Variants in PTPRD observed in about 807,000 individuals in gnomAD.
PTPRD encodes receptor-type tyrosine-protein phosphatase delta.
PTPRD carries 34 observed loss-of-function variants against 214.5 expected under a neutral mutation model. The ratio of observed to expected loss-of-function variants is 0.16; its 90% CI spans 0.12 to 0.21. PTPRD has a LOEUF of 0.21. Ranked by LOEUF, PTPRD falls within the 10% of genes least tolerant of loss-of-function variation. The pLI is 1.00. For missense variants in PTPRD, 2,545 were observed against 2,398.7 expected (o/e 1.06, Z -1.27); for synonymous variants, 1,128 against 845.7 (o/e 1.33, Z -5.79).
intron 3 of PTPRD, among the ~76,000 whole-genome samples, chr9:10,188,828 T>C (rs2099349497): frequency 6.6e-6 from 1 of 152,094 alleles, no homozygotes; most frequent in Non-Finnish European, 1.5e-5. Context: ...AGTACAACAA[T>C]TGTATCAGTT....
chr9:8,329,365 C>G (rs1459608936), intron 44 of PTPRD, among the ~76,000 whole-genome samples: 1 of 152,136 alleles, frequency 6.6e-6, no homozygotes, highest in African/African-American at 2.4e-5. Context: ...GCAAAGATTG[C>G]TGCCTATTCC....
intron 12 of PTPRD, among the ~76,000 whole-genome samples, chr9:8,662,219 G>C (rs1266746320): frequency 6.6e-6 from 1 of 152,122 alleles, no homozygotes; most frequent in Non-Finnish European, 1.5e-5. Flanking sequence ...TATATGAAGA[G>C]CACCGAGGTT....
At chr9:9,772,481 A>C (rs1358048099) in intron 5 of PTPRD, among the ~76,000 whole-genome samples, 1 of 152,102 alleles carries the variant, frequency 6.6e-6, no homozygotes, top group South Asian at 2.1e-4. Flanking sequence ...TTTAACATTT[A>C]TCTCTCACGG....
At chr9:9,462,807 G>C (rs2093780117) in intron 8 of PTPRD, among the ~76,000 whole-genome samples, 1 of 152,058 alleles carries the variant, frequency 6.6e-6, no homozygotes, top group Non-Finnish European at 1.5e-5. Flanking sequence ...TGGAAATTTT[G>C]GTGGGATCTA....
At chr9:8,904,731 C>T (rs1566928430) in intron 11 of PTPRD, among the ~76,000 whole-genome samples, 1 of 149,422 alleles carries the variant, frequency 6.7e-6, no homozygotes, top group Non-Finnish European at 1.5e-5. Context: ...ATTTGCAAAA[C>T]ACATAATCGT....
chr9:9,863,803 T>G (rs1686749361), intron 5 of PTPRD, among the ~76,000 whole-genome samples: 1 of 151,166 alleles, frequency 6.6e-6, no homozygotes, highest in African/African-American at 2.4e-5. Context: ...TAGCAAGAAT[T>G]GCTATTCCAG....
At chr9:9,034,703 T>C (rs1477947728) in intron 10 of PTPRD, among the ~76,000 whole-genome samples, 1 of 152,130 alleles carries the variant, frequency 6.6e-6, no homozygotes, top group Non-Finnish European at 1.5e-5. Flanking sequence ...GCTCCCCATT[T>C]ACTAGCTCTG....
intron 4 of PTPRD, among the ~76,000 whole-genome samples, chr9:10,031,092 T>G (rs1386608120): frequency 1.3e-5 from 2 of 152,188 alleles, no homozygotes; most frequent in Non-Finnish European, 2.9e-5. Context: ...AGGGTCCAAG[T>G]ATAGATACTG....
intron 9 of PTPRD, among the ~76,000 whole-genome samples, chr9:9,395,916 A>G (rs1201019521): frequency 6.6e-6 from 1 of 152,088 alleles, no homozygotes; most frequent in Non-Finnish European, 1.5e-5. Flanking sequence ...ACTATTGCAA[A>G]GTGATATGAT....
At chr9:9,608,521 G>C (rs766890829) in intron 7 of PTPRD, among the ~76,000 whole-genome samples, 1 of 152,118 alleles carries the variant, frequency 6.6e-6, no homozygotes, top group East Asian at 1.9e-4. Flanking sequence ...TATGCCAGGG[G>C]CATATTTTCC....
At chr9:9,057,911 T>C (rs2099699291) in intron 10 of PTPRD, among the ~76,000 whole-genome samples, 1 of 152,188 alleles carries the variant, frequency 6.6e-6, no homozygotes, top group African/African-American at 2.4e-5. Flanking sequence ...ATAAATATTA[T>C]ATAAAAATAA....
intron 2 of PTPRD, among the ~76,000 whole-genome samples, chr9:10,459,806 T>C (rs1271222482): frequency 6.6e-6 from 1 of 152,054 alleles, no homozygotes; most frequent in Non-Finnish European, 1.5e-5. Flanking sequence ...ATTAGCCCTT[T>C]GTCAGATGGA....
intron 35 of PTPRD, among the ~76,000 whole-genome samples, chr9:8,407,307 G>A (rs1252989136): frequency 6.6e-6 from 1 of 152,124 alleles, no homozygotes; most frequent in Admixed American, 6.6e-5. Flanking sequence ...GGTAGGTATT[G>A]TTTTTTTCCA....
intron 3 of PTPRD, among the ~76,000 whole-genome samples, chr9:10,057,985 G>A (rs1269766933): frequency 6.6e-6 from 1 of 152,012 alleles, no homozygotes; most frequent in African/African-American, 2.4e-5. Context: ...AGTTTATTTT[G>A]GGTAACACGT....
intron 6 of PTPRD, among the ~76,000 whole-genome samples, chr9:9,765,534 G>C (rs2098699588): frequency 6.6e-6 from 1 of 152,176 alleles, no homozygotes; most frequent in Non-Finnish European, 1.5e-5. Flanking sequence ...TAGGATAGCT[G>C]ATGTAGAGAA....
chr9:10,258,909 T>C (rs10958980), intron 3 of PTPRD, among the ~76,000 whole-genome samples: 41,496 of 152,264 alleles, frequency 0.27, 6,723 homozygotes, highest in African/African-American at 0.45. Context: ...TTTGTGCAAA[T>C]AAAATATGAT....
intron 9 of PTPRD, among the ~76,000 whole-genome samples, chr9:9,305,565 C>T (rs1956873463): frequency 6.6e-6 from 1 of 152,092 alleles, no homozygotes; most frequent in Non-Finnish European, 1.5e-5. Context: ...CCTCTCTCTT[C>T]TGTCTCACCA....
rs371352383 is a variant in PTPRD, at chr9:9,952,657, A to G, written c.-471-14047T>C. ...ATAATAACTATTCTCCCTTCCCTAA[A>G]GAGTCCTTGCACCATTTTGCCAGGA... On this transcript the variant is annotated intron_variant, in intron 4 of 45. Coordinates refer to ENST00000381196, the MANE Select transcript of PTPRD (RefSeq NM_002839.4). Among the ~76,000 whole-genome samples, 13 of 152,118 alleles carry G rather than the reference A, an allele frequency of 8.5e-5. No homozygotes were observed. The East Asian group carries it at 2.5e-3, about 29-fold the overall frequency.
chr9:9,059,027 C>G (rs1182521299), intron 10 of PTPRD, among the ~76,000 whole-genome samples: 1 of 151,956 alleles, frequency 6.6e-6, no homozygotes, highest in Non-Finnish European at 1.5e-5. Flanking sequence ...CAGGGTAGGT[C>G]TTATACTTAG....
Sources: gnomAD v4.1 joint callset for allele counts (sites outside exome capture counted in the v4.1 genomes callset) on GRCh38, gnomAD v4.1.1 for gene constraint, MANE v1.5 for transcripts, NCBI Gene and HGNC (gene_info 2026-07-23, HGNC 2026-07-21) for gene names.